Variants in HFM1 observed in about 807,000 individuals in gnomAD.
HFM1 encodes helicase for meiosis 1.
A neutral mutation model predicts 192.1 loss-of-function variants in HFM1; 169 were observed. The observed-to-expected ratio is 0.88, with a 90% CI of 0.78 to 1.00. The LOEUF is 1.00. Ranked by LOEUF, HFM1 falls within the 50% of genes least tolerant of loss-of-function variation. HFM1 has a pLI of 0.00. For missense variants in HFM1, 1,661 were observed against 1,668.0 expected, an observed-to-expected ratio of 1.00 and a Z score of 0.07; for synonymous variants, 525 against 537.8, an observed-to-expected ratio of 0.98 and a Z score of 0.33.
At chr1:91,290,864 G>A (rs1458681214) in intron 30 of HFM1, among the ~76,000 whole-genome samples, 2 of 152,106 alleles carry the variant, frequency 1.3e-5, no homozygotes, top group East Asian at 3.9e-4. Flanking sequence ...TCAGACCACA[G>A]TGCAATCAAA....
intron 19 of HFM1, among the ~76,000 whole-genome samples, chr1:91,344,721 T>C (rs1346745920): frequency 6.7e-6 from 1 of 148,920 alleles, no homozygotes; most frequent in Non-Finnish European, 1.5e-5. Flanking sequence ...TTTCTTTTTC[T>C]TTCTTTTTAT....
intron 19 of HFM1, among the ~76,000 whole-genome samples, chr1:91,345,659 A>C (rs1656034198): frequency 6.6e-6 from 1 of 152,138 alleles, no homozygotes; most frequent in Non-Finnish European, 1.5e-5. Context: ...CTTCAGAAAC[A>C]AGAAAGTCAC....
intron 13 of HFM1, among the ~76,000 whole-genome samples, chr1:91,374,959 G>C (rs890703103): frequency 6.6e-6 from 1 of 152,048 alleles, no homozygotes; most frequent in Non-Finnish European, 1.5e-5. Flanking sequence ...GACTGAGAAC[G>C]AACAGCCTGC....
At chr1:91,271,668 G>C (rs1666306883) in intron 34 of HFM1, among the ~76,000 whole-genome samples, 1 of 151,932 alleles carries the variant, frequency 6.6e-6, no homozygotes, top group Admixed American at 6.6e-5. Context: ...GAAAAGATAA[G>C]TTTTCTTTTA....
At chr1:91,326,943 T>C (rs1022173407) in intron 20 of HFM1, among the ~76,000 whole-genome samples, 3 of 152,304 alleles carry the variant, frequency 2.0e-5, no homozygotes, top group Non-Finnish European at 1.5e-5. Context: ...CAGTGTTAGG[T>C]TATCATCAGT....
At chr1:91,315,302 A>G (rs532325451) in intron 28 of HFM1, among the ~76,000 whole-genome samples, 1 of 152,206 alleles carries the variant, frequency 6.6e-6, no homozygotes, top group Admixed American at 6.5e-5. Flanking sequence ...GGAGAAAATA[A>G]TAGTACCTGG....
chr1:91,384,169 C>G (rs968579106), intron 6 of HFM1, among the ~76,000 whole-genome samples: 2 of 152,116 alleles, frequency 1.3e-5, no homozygotes, highest in Non-Finnish European at 1.5e-5. Context: ...TTGCTTATGT[C>G]TCTACTTTTG....
At chr1:91,333,824 G>T (rs557926567) in intron 20 of HFM1, among the ~76,000 whole-genome samples, 14 of 152,194 alleles carry the variant, frequency 9.2e-5, no homozygotes, top group Admixed American at 3.3e-4. Flanking sequence ...AGGCACAAAA[G>T]ACATACCAAA....
intron 4 of HFM1, among the ~76,000 whole-genome samples, chr1:91,387,208 G>A (rs1662314763): frequency 6.6e-6 from 1 of 152,166 alleles, no homozygotes; most frequent in East Asian, 1.9e-4. Flanking sequence ...CATCAGTCTT[G>A]TCTATGAAAT....
At chr1:91,370,385 G>A (rs145180160) in intron 13 of HFM1, among the ~76,000 whole-genome samples, 14,664 of 152,022 alleles carry the variant, frequency 0.096, 746 homozygotes, top group East Asian at 0.16. Context: ...CAAAAAGCTT[G>A]TCCACCATGA....
chr1:91,304,994 T>G (rs1287551416), intron 30 of HFM1, among the ~76,000 whole-genome samples: 1 of 152,218 alleles, frequency 6.6e-6, no homozygotes, highest in African/African-American at 2.4e-5. Context: ...AAGGTTTATT[T>G]CTACACTCTC....
chr1:91,293,762 C>A (rs1359403934), intron 30 of HFM1, among the ~76,000 whole-genome samples: 1 of 148,744 alleles, frequency 6.7e-6, no homozygotes, highest in Non-Finnish European at 1.5e-5. Flanking sequence ...ATGTTTATTG[C>A]GGCATTATTC....
At chr1:91,332,753 G>C (rs1425605924) in intron 20 of HFM1, among the ~76,000 whole-genome samples, 1 of 151,922 alleles carries the variant, frequency 6.6e-6, no homozygotes, top group Non-Finnish European at 1.5e-5. Context: ...AACTCTACAG[G>C]AAAAAATCTA....
chr1:91,381,883 G>C (rs1292212129), intron 6 of HFM1, among the ~76,000 whole-genome samples: 1 of 152,140 alleles, frequency 6.6e-6, no homozygotes, highest in African/African-American at 2.4e-5. Flanking sequence ...GATTGCTGTA[G>C]TGATCCTGTT....
intron 30 of HFM1, among the ~76,000 whole-genome samples, chr1:91,278,180 A>G (rs1431887360): frequency 6.6e-6 from 1 of 151,792 alleles, no homozygotes; most frequent in Non-Finnish European, 1.5e-5. Context: ...TATTTAATAC[A>G]TATTAGAAAT....
chr1:91,303,149 A>G (rs1168885700), intron 30 of HFM1, among the ~76,000 whole-genome samples: 3 of 152,156 alleles, frequency 2.0e-5, no homozygotes, highest in Admixed American at 1.3e-4. Context: ...CAAAAAACCC[A>G]CCATATAACT....
rs752193921 is a variant in HFM1 at position 91,379,191 on chromosome 1, T to A, written c.1030A>T (p.Ser344Cys). The change falls in exon 9 of 39, where the codon AGT (serine) becomes TGT (cysteine). Residue 344 changes from serine to cysteine, a missense_variant. Coordinates refer to ENST00000370425, the MANE Select transcript of HFM1 (RefSeq NM_001017975.6). The part of the protein sequence containing the change: ...VYMAPIKALC[S>C]QRFDDWKEKF... ...TCTTTCCAGTCATCAAAACGCTGAC[T>A]GCACAAGGCTTTTATTGGTGCCACT... 6.2e-7 allele frequency: 1 copy of A among 1,606,908 alleles called. No individual in the cohort carries two copies. The highest frequency in any genetic ancestry group is 8.5e-7 in the Non-Finnish European group (1 of 1,177,468).
intron 34 of HFM1, among the ~76,000 whole-genome samples, chr1:91,271,383 A>C (rs1666274748): frequency 1.3e-5 from 2 of 152,204 alleles, no homozygotes; most frequent in Non-Finnish European, 2.9e-5. Flanking sequence ...GAATTAAGCC[A>C]GATACTTTTC....
At chr1:91,317,277 G>A (rs1266663089) in intron 25 of HFM1, among the ~76,000 whole-genome samples, 1 of 152,108 alleles carries the variant, frequency 6.6e-6, no homozygotes, top group Non-Finnish European at 1.5e-5. Context: ...AGCCGGGCAT[G>A]GTGGCACATG....
Sources: gnomAD v4.1 joint callset for allele counts (sites outside exome capture counted in the v4.1 genomes callset) on GRCh38, gnomAD v4.1.1 for gene constraint, MANE v1.5 for transcripts, NCBI Gene and HGNC (gene_info 2026-07-23, HGNC 2026-07-21) for gene names.